Variants in KLHL7 observed in about 807,000 individuals in gnomAD.
The protein encoded by KLHL7 is kelch-like protein 7.
In KLHL7, 44 loss-of-function variants were observed where a neutral mutation model predicts 67.4. The ratio of observed to expected loss-of-function variants is 0.65; its 90% CI spans 0.51 to 0.84. KLHL7 has a LOEUF of 0.84. KLHL7 is among the 40% of genes least tolerant of loss of function. The pLI is 0.00. For missense variants in KLHL7, 362 were observed against 718.1 expected, an observed-to-expected ratio of 0.50 and a Z score of 5.67; for synonymous variants, 252 against 243.3, an observed-to-expected ratio of 1.04 and a Z score of -0.33.
intron 9 of KLHL7, chr7:23,172,139 A>G: frequency 2.2e-6 from 1 of 456,480 alleles, no homozygotes; most frequent in Non-Finnish European, 4.4e-6. Context: ...TGCTGAAAGC[A>G]CAAGCCTGTG....
chr7:23,164,348 T>A (rs858315), intron 7 of KLHL7, among the ~76,000 whole-genome samples: 11,388 of 152,164 alleles, frequency 0.075, 602 homozygotes, highest in African/African-American at 0.14. Context: ...ATTAGATAGG[T>A]ATTATGAGTA....
intron 9 of KLHL7, among the ~76,000 whole-genome samples, chr7:23,168,658 G>A (rs922337568): frequency 3.9e-5 from 6 of 152,196 alleles, no homozygotes; most frequent in Non-Finnish European, 7.3e-5. Context: ...TTGAATAATG[G>A]AGAGGGCATG....
chr7:23,139,026 A>G (rs138218950), intron 4 of KLHL7, among the ~76,000 whole-genome samples: 2,461 of 151,984 alleles, frequency 0.016, 35 homozygotes, highest in Non-Finnish European at 0.025. Context: ...GGGCTTGTAT[A>G]TACGTGTATG....
chr7:23,175,078 G>C lies in KLHL7; in HGVS notation c.*780G>C, dbSNP rs1196787607. The C allele has an allele frequency of 1.3e-5, 6 of 453,820 alleles. No individual in the cohort carries two copies. The highest frequency in any genetic ancestry group is 2.6e-5 in the Non-Finnish European group (6 of 226,722). 28.1% of individuals were successfully genotyped at this position (453,820 alleles called of 1,614,324 possible). ...ATAGTAAGTGATTAACTAGCAAAAA[G>C]TAAAGCTATTTATAGCAAATTTCTA... On this transcript the variant is annotated 3_prime_UTR_variant, in exon 11 of 11. Coordinates refer to ENST00000339077, the MANE Select transcript of KLHL7 (RefSeq NM_001031710.3).
At chr7:23,124,829 C>A in intron 3 of KLHL7, 48 bp downstream of exon 3, 2 of 1,292,040 alleles carry the variant, frequency 1.5e-6, no homozygotes, top group Non-Finnish European at 2.3e-6. Flanking sequence ...TTGGTATCTA[C>A]CATGGCAAAG....
chr7:23,124,507 A>G lies in KLHL7; in HGVS notation c.224-181A>G, dbSNP rs893645367. ...CTTTTCTTAGCTTAATTTAAGGCAC[A>G]TCTTGGGTGGAGAATTAATTTGCAT... On this transcript the variant is annotated intron_variant, in intron 2 of 10. Coordinates refer to ENST00000339077, the MANE Select transcript of KLHL7 (RefSeq NM_001031710.3). Among the ~76,000 whole-genome samples the G allele has an allele frequency of 4.6e-5, 7 of 152,334 alleles. No homozygotes were observed. In the South Asian group the frequency reaches 1.4e-3, roughly 32 times the overall value.
At chr7:23,152,527 T>G (rs1458210411) in intron 7 of KLHL7, among the ~76,000 whole-genome samples, 1 of 152,220 alleles carries the variant, frequency 6.6e-6, no homozygotes, top group African/African-American at 2.4e-5. Context: ...CCATTTTCAA[T>G]GAAAATCTCT....
chr7:23,138,737 C>T (rs1205307313), intron 4 of KLHL7, among the ~76,000 whole-genome samples: 1 of 151,686 alleles, frequency 6.6e-6, no homozygotes, highest in Non-Finnish European at 1.5e-5. Flanking sequence ...GGGGTTTTAC[C>T]GTGTTGGCCA....
rs1357921515 is a variant in KLHL7, at chr7:23,140,753, T to G, written c.443-16T>G. ...AAAAATGATTTTCTATTCTTTTATT[T>G]TCTTTCTGTGTTTAGGTATAAGTGT... On this transcript the variant is annotated splice_polypyrimidine_tract_variant and intron_variant, in intron 4 of 10. Coordinates refer to ENST00000339077, the MANE Select transcript of KLHL7 (RefSeq NM_001031710.3). The G allele has an allele frequency of 6.2e-7, 1 of 1,610,280 alleles. No homozygotes were observed. Among genetic ancestry groups the G allele is most frequent in the Non-Finnish European group, 8.5e-7 (1 of 1,177,234 alleles).
At chr7:23,137,634 A>G (rs932677784) in intron 4 of KLHL7, among the ~76,000 whole-genome samples, 8 of 151,326 alleles carry the variant, frequency 5.3e-5, no homozygotes, top group Non-Finnish European at 1.2e-4. Flanking sequence ...ACCCACCAGC[A>G]TGCCCGGCTA....
chr7:23,149,792 A>G (rs1218065598), intron 6 of KLHL7, among the ~76,000 whole-genome samples: 1 of 152,244 alleles, frequency 6.6e-6, no homozygotes, highest in Non-Finnish European at 1.5e-5. Flanking sequence ...CCCCTGACCT[A>G]GAGCTTGCGT....
intron 4 of KLHL7, among the ~76,000 whole-genome samples, chr7:23,135,552 C>T (rs1249922688): frequency 6.6e-6 from 1 of 152,174 alleles, no homozygotes; most frequent in African/African-American, 2.4e-5. Flanking sequence ...ATATAATGCC[C>T]TTATTTGAAT....
At chr7:23,107,332 C>T (rs1426277398) in intron 1 of KLHL7, among the ~76,000 whole-genome samples, 1 of 152,176 alleles carries the variant, frequency 6.6e-6, no homozygotes, top group Non-Finnish European at 1.5e-5. Context: ...CTTTTTGTAT[C>T]TACAATACCA....
At chr7:23,170,348 G>A in intron 9 of KLHL7, among the ~76,000 whole-genome samples, 1 of 152,146 alleles carries the variant, frequency 6.6e-6, no homozygotes, top group East Asian at 1.9e-4. Context: ...GAAAAACTAA[G>A]CCTATGGACC....
chr7:23,128,051 A>C (rs752243224), intron 4 of KLHL7, among the ~76,000 whole-genome samples: 24 of 151,204 alleles, frequency 1.6e-4, no homozygotes, highest in Non-Finnish European at 3.1e-4. Context: ...AATCGCTTGA[A>C]CCGGGAGGCG....
chr7:23,109,870 T>C (rs1782794119), intron 1 of KLHL7, among the ~76,000 whole-genome samples: 1 of 152,244 alleles, frequency 6.6e-6, no homozygotes, highest in Non-Finnish European at 1.5e-5. Flanking sequence ...CTTTTTCCTG[T>C]ACTTTACTGT....
chr7:23,138,730 G>T (rs1022560590), intron 4 of KLHL7, among the ~76,000 whole-genome samples: 8 of 151,632 alleles, frequency 5.3e-5, no homozygotes, highest in African/African-American at 1.9e-4. Context: ...TAGAGATGGG[G>T]TTTTACCGTG....
At chr7:23,155,668 C>A (rs77874790) in intron 7 of KLHL7, among the ~76,000 whole-genome samples, 50,328 of 142,688 alleles carry the variant, frequency 0.35, 8,949 homozygotes, top group Middle Eastern at 0.4. Flanking sequence ...ACCAAAAAAA[C>A]AAAACAAAAC....
intron 10 of KLHL7, among the ~76,000 whole-genome samples, chr7:23,173,740 T>C (rs989336120): frequency 3.3e-5 from 5 of 152,168 alleles, no homozygotes; most frequent in African/African-American, 9.7e-5. Context: ...AATCACCGAT[T>C]GGTTTATTTT....
Sources: gnomAD v4.1 joint callset for allele counts (sites outside exome capture counted in the v4.1 genomes callset) on GRCh38, gnomAD v4.1.1 for gene constraint, MANE v1.5 for transcripts, NCBI Gene and HGNC (gene_info 2026-07-23, HGNC 2026-07-21) for gene names.